SLC5A3: variants seen among roughly 807,000 people sequenced by gnomAD.
SLC5A3 encodes solute carrier family 5 member 3, also known as sodium/myo-inositol cotransporter.
In SLC5A3, 10 loss-of-function variants were observed where a neutral mutation model predicts 43.2. The observed-to-expected ratio is 0.23, with a 90% confidence interval of 0.14 to 0.39. The LOEUF is 0.39. SLC5A3 is among the 10% of genes least tolerant of loss of function. The probability of loss-of-function intolerance (pLI) is 1.00; values close to 1 mark genes in which losing one functional copy is unlikely to be tolerated. For synonymous variants in SLC5A3, 349 were observed against 322.0 expected (o/e 1.08, Z -0.90); for missense variants, 608 against 893.4 (o/e 0.68, Z 4.07).
Position 34,098,027 on chromosome 21 carries a change from A to T in SLC5A3, c.*672A>T. On this transcript the variant is annotated 3_prime_UTR_variant, in exon 2 of 2. Coordinates refer to ENST00000381151, the MANE Select transcript of SLC5A3 (RefSeq NM_006933.7). Reference sequence around the variant, plus strand: ...TTCTTTCTACTTTCAAGTTTAAGTGAACCATACTGAAATGACCAACAAGTC... The same window carrying T: ...TTCTTTCTACTTTCAAGTTTAAGTGTACCATACTGAAATGACCAACAAGTC... The T allele has an allele frequency of 2.0e-6, 2 of 999,392 alleles. No homozygotes were observed. The highest frequency in any genetic ancestry group is 2.4e-6 in the Non-Finnish European group (2 of 829,758). The allele number at this position is 999,392 out of a possible 1,614,324, so 61.9% of individuals were successfully genotyped here.
chr21:34,078,188 A>C (rs2148651851), intron 1 of SLC5A3, among the ~76,000 whole-genome samples: 1 of 152,216 alleles, frequency 6.6e-6, no homozygotes, highest in East Asian at 1.9e-4. Flanking sequence ...TTAGCCTTGT[A>C]TCTTTAATAA....
Position 34,081,187 on chromosome 21 carries a change from C to T in SLC5A3, c.-337+7442C>T, listed in dbSNP as rs550272811. On this transcript the variant is annotated intron_variant, in intron 1 of 1. Coordinates refer to ENST00000381151, the MANE Select transcript of SLC5A3 (RefSeq NM_006933.7). ...GTTTTACAAGGATCTTTTAAACTTTCCACTTTAATGAAGCTGAAACTGGAA... is the reference window on the plus strand; with the variant it reads ...GTTTTACAAGGATCTTTTAAACTTTTCACTTTAATGAAGCTGAAACTGGAA... Among the ~76,000 whole-genome samples the T allele has an allele frequency of 2.0e-5, 3 of 152,116 alleles. 1 individual carries two copies. The South Asian group carries it at 6.2e-4, about 32-fold the overall frequency.
chr21:34,086,233 A>G (rs988384152), intron 1 of SLC5A3, among the ~76,000 whole-genome samples: 1 of 151,522 alleles, frequency 6.6e-6, no homozygotes, highest in Non-Finnish European at 1.5e-5. Context: ...TTGTTTTGTA[A>G]GAGCACTTAA....
intron 1 of SLC5A3, among the ~76,000 whole-genome samples, chr21:34,077,583 A>G (rs186482166): frequency 6.6e-6 from 1 of 152,316 alleles, no homozygotes; most frequent in African/African-American, 2.4e-5. Context: ...ATATATATAT[A>G]TCTTCATATG....
Position 34,103,973 on chromosome 21 carries a change from G to GT in SLC5A3, c.*6624dup. The GT allele has an allele frequency of 1.0e-6, 1 of 1,000,044 alleles. No homozygotes were observed. The highest frequency in any genetic ancestry group is 1.2e-6 in the Non-Finnish European group (1 of 829,882). The allele number at this position is 1,000,044 out of a possible 1,614,324, so 61.9% of individuals were successfully genotyped here. ...TGTTTTAAGCTGTAGTGTGATTGGGGTTTTTTGTAAAAAATCTTAAATCTT... is the reference window on the plus strand; with the variant it reads ...TGTTTTAAGCTGTAGTGTGATTGGGGTTTTTTTGTAAAAAATCTTAAATCTT... On this transcript the variant is annotated 3_prime_UTR_variant, in exon 2 of 2. Transcript: ENST00000381151.
rs560962749 is a variant in SLC5A3 at position 34,074,334 on chromosome 21, A to C, written c.-337+589A>C. On this transcript the variant is annotated intron_variant, in intron 1 of 1. Coordinates refer to ENST00000381151, the MANE Select transcript of SLC5A3 (RefSeq NM_006933.7). ...TCTTGCAATCGCTCTCATGTTAAAA[A>C]AAAATCTTTTGACTTTTCTTTTTCT... Among the ~76,000 whole-genome samples the C allele has an allele frequency of 3.3e-5, 5 of 152,334 alleles. No individual in the cohort carries two copies. The South Asian group carries it at 1.0e-3, about 32-fold the overall frequency.
In SLC5A3 at chr21:34,101,885, A is replaced by G. The variant is rs1979253207; in HGVS notation, c.*4530A>G. On this transcript the variant is annotated 3_prime_UTR_variant, in exon 2 of 2. Transcript: ENST00000381151. ...CTTTTTCAAAAATTAGGGAGAGAGC[A>G]GTAGTGATCATTTATGTGAGCCCCT... 1 of 1,000,072 alleles carries G rather than the reference A, an allele frequency of 1.0e-6. No homozygotes were observed. The highest frequency in any genetic ancestry group is 4.7e-5 in the South Asian group (1 of 21,290). 61.9% of individuals were successfully genotyped at this position (1,000,072 alleles called of 1,614,324 possible). A position where few individuals can be genotyped will look rare whatever the true frequency, so the allele number is the denominator to read the frequency against.
chr21:34,105,187 C>T lies in SLC5A3; in HGVS notation c.*7832C>T, dbSNP rs118183140. The T allele has an allele frequency of 0.021, 20,753 of 1,000,122 alleles. 261 individuals carry two copies. The highest frequency in any genetic ancestry group is 0.031 in the Middle Eastern group (59 of 1,916). The allele number at this position is 1,000,122 out of a possible 1,614,324, so 62.0% of individuals were successfully genotyped here. On this transcript the variant is annotated 3_prime_UTR_variant, in exon 2 of 2. Coordinates refer to ENST00000381151, the MANE Select transcript of SLC5A3 (RefSeq NM_006933.7). ...TGTTACTGCTTCAGTTTATAGATTG[C>T]CAGCAGAGTTCAGAAATAGAGCAGG...
Position 34,096,179 on chromosome 21 carries a change from T to G in SLC5A3, c.981T>G (p.Asp327Glu). ...GMISRILFTD[D>E]IACINPEHCM... ...TTTCCAGGATACTGTTTACTGATGATATAGCTTGCATCAACCCAGAGCACT... is the reference window on the plus strand; with the variant it reads ...TTTCCAGGATACTGTTTACTGATGAGATAGCTTGCATCAACCCAGAGCACT... The change falls in exon 2 of 2, where the codon GAT becomes GAG. Residue 327 changes from aspartate (D) to glutamate (E), a missense_variant. This residue lies in a region of SLC5A3 where 398 missense variants were observed against 668.6 expected (regional missense o/e 0.60). Coordinates refer to ENST00000381151, the MANE Select transcript of SLC5A3 (RefSeq NM_006933.7). This position sits in a 1 kb window ranked among gnomAD's most constrained non-coding sequence, Gnocchi z 5.9. 6.2e-7 allele frequency: 1 copy of G among 1,614,184 alleles called. No homozygotes were observed. The highest frequency in any genetic ancestry group is 8.5e-7 in the Non-Finnish European group (1 of 1,179,990).
At chr21:34,080,810 C>G (rs1317791865) in intron 1 of SLC5A3, among the ~76,000 whole-genome samples, 10 of 152,222 alleles carry the variant, frequency 6.6e-5, no homozygotes, top group Non-Finnish European at 1.5e-4. Context: ...GGTTACTACT[C>G]TCATCTCTAT....
intron 1 of SLC5A3, among the ~76,000 whole-genome samples, chr21:34,076,499 C>G (rs556571152): frequency 6.6e-6 from 1 of 152,244 alleles, no homozygotes; most frequent in Non-Finnish European, 1.5e-5. Context: ...CTATGTTTTT[C>G]TCAGTTTGCA....
chr21:34,099,301 GTC>G lies in SLC5A3; in HGVS notation c.*1950_*1951del. On this transcript the variant is annotated 3_prime_UTR_variant, in exon 2 of 2. Transcript: ENST00000381151. The stretch of plus-strand genomic sequence containing the variant: ...GCTGCGACATGTCCAAGGTTATGAA[GTC>G]TCTTTTGGGAAGAACAGAAACCAGG... 1 of 1,000,204 alleles carries G rather than the reference GTC, an allele frequency of 1.0e-6. No individual in the cohort carries two copies. Among genetic ancestry groups the G allele is most frequent in the Non-Finnish European group, 1.2e-6 (1 of 829,950 alleles). 62.0% of individuals were successfully genotyped at this position (1,000,204 alleles called of 1,614,324 possible). A position where few individuals can be genotyped will look rare whatever the true frequency, so the allele number is the denominator to read the frequency against.
Position 34,098,552 on chromosome 21 carries a change from A to T in SLC5A3, c.*1197A>T, listed in dbSNP as rs1979079243. On this transcript the variant is annotated 3_prime_UTR_variant, in exon 2 of 2. Coordinates refer to ENST00000381151, the MANE Select transcript of SLC5A3 (RefSeq NM_006933.7). ...TAGAGCATAAGGATGTTTCAGTGCA[A>T]ACTGGCCGTCGGTAACAGAAAACTC... The T allele has an allele frequency of 1.0e-6, 1 of 1,000,150 alleles. No individual in the cohort carries two copies. The highest frequency in any genetic ancestry group is 1.7e-5 in the African/African-American group (1 of 57,232). The allele number at this position is 1,000,150 out of a possible 1,614,324, so 62.0% of individuals were successfully genotyped here.
chr21:34,095,176 G>T lies in SLC5A3; in HGVS notation c.-23G>T, dbSNP rs766758419. On this transcript the variant is annotated 5_prime_UTR_variant, in exon 2 of 2. Coordinates refer to ENST00000381151, the MANE Select transcript of SLC5A3 (RefSeq NM_006933.7). ...AGTTGGACACTTCTGTCATTGGAGCGCTATTATTCACAAGTTACCAGAATG... is the reference window on the plus strand; with the variant it reads ...AGTTGGACACTTCTGTCATTGGAGCTCTATTATTCACAAGTTACCAGAATG... 2 of 1,565,532 alleles carry T rather than the reference G, an allele frequency of 1.3e-6. No homozygotes were observed. Among genetic ancestry groups the T allele is most frequent in the East Asian group, 2.2e-5 (1 of 44,486 alleles).
intron 1 of SLC5A3, among the ~76,000 whole-genome samples, chr21:34,092,136 A>ATG (rs984706038): frequency 1.3e-5 from 2 of 151,818 alleles, no homozygotes; most frequent in Non-Finnish European, 2.9e-5. Context: ...ATATATATAT[A>ATG]TATAACATAC....
intron 1 of SLC5A3, among the ~76,000 whole-genome samples, chr21:34,080,494 A>G (rs1989434353): frequency 6.6e-6 from 1 of 152,010 alleles, no homozygotes; most frequent in South Asian, 2.1e-4. Flanking sequence ...CCCTTTCCAC[A>G]ATACCCCACC....
At chr21:34,081,979 G>T (rs868053037) in intron 1 of SLC5A3, among the ~76,000 whole-genome samples, 1 of 151,848 alleles carries the variant, frequency 6.6e-6, no homozygotes, top group African/African-American at 2.4e-5. Context: ...CATGAGGGGT[G>T]TGGGCCTGGT....
In SLC5A3 at chr21:34,106,116, A is replaced by G. The variant is rs1427030067; in HGVS notation, c.*8761A>G. On this transcript the variant is annotated 3_prime_UTR_variant, in exon 2 of 2. Coordinates refer to ENST00000381151, the MANE Select transcript of SLC5A3 (RefSeq NM_006933.7). ...TTGCCAGCTGCTGCATTAGCCTTCA[A>G]AAGTATTTGGAAACTTAAGATGAAC... 3.1e-5 allele frequency: 31 copies of G among 998,172 alleles called. No homozygotes were observed. Among genetic ancestry groups the G allele is most frequent in the Non-Finnish European group, 3.7e-5 (31 of 828,032 alleles). 61.8% of individuals were successfully genotyped at this position (998,172 alleles called of 1,614,324 possible).
Position 34,105,956 on chromosome 21 carries a change from A to T in SLC5A3, c.*8601A>T, listed in dbSNP as rs1452894181. 2 of 993,580 alleles carry T rather than the reference A, an allele frequency of 2.0e-6. No homozygotes were observed. The allele number at this position is 993,580 out of a possible 1,614,324, so 61.5% of individuals were successfully genotyped here. On this transcript the variant is annotated 3_prime_UTR_variant, in exon 2 of 2. Coordinates refer to ENST00000381151, the MANE Select transcript of SLC5A3 (RefSeq NM_006933.7). Reference sequence around the variant, plus strand: ...AATCTGATTTTTTAAAATTGTAAACATGTATGATCTTGGTTTCATGTGTTT... The same window carrying T: ...AATCTGATTTTTTAAAATTGTAAACTTGTATGATCTTGGTTTCATGTGTTT...
Sources: allele counts gnomAD v4.1 joint callset (sites outside exome capture counted in the v4.1 genomes callset), GRCh38; gene constraint gnomAD v4.1.1; regional missense constraint gnomAD v4.1.1; non-coding constraint Gnocchi (gnomAD v3.1); transcripts MANE v1.5; gene names NCBI Gene and HGNC (gene_info 2026-07-23, HGNC 2026-07-21).